LRMDA: variants seen among roughly 807,000 people sequenced by gnomAD.
LRMDA encodes leucine rich melanocyte differentiation associated, also known as leucine-rich melanocyte differentiation-associated protein.
LRMDA carries 18 observed loss-of-function variants against 29.8 expected under a neutral mutation model. That is an observed-to-expected ratio of 0.60 (90% CI 0.42 to 0.90). LRMDA has a LOEUF of 0.90. Ranked by LOEUF, LRMDA falls within the 40% of genes least tolerant of loss-of-function variation. LRMDA has a pLI of 0.00. For synonymous variants in LRMDA, 125 were observed against 109.4 expected (o/e 1.14, Z -0.89); for missense variants, 273 against 273.9 (o/e 1.00, Z 0.02).
chr10:75,778,003 A>G (rs1843334884), intron 2 of LRMDA, among the ~76,000 whole-genome samples: 1 of 152,154 alleles, frequency 6.6e-6, no homozygotes, highest in African/African-American at 2.4e-5. Flanking sequence ...TAAACACACT[A>G]TAATCTGATT....
chr10:75,843,692 G>C (rs1363445847), intron 2 of LRMDA, among the ~76,000 whole-genome samples: 2 of 152,212 alleles, frequency 1.3e-5, no homozygotes, highest in East Asian at 3.8e-4. Context: ...GACCCTTTCT[G>C]TGGGCAAGAC....
rs944217629 is a variant in LRMDA, at chr10:76,462,623, C to T, written c.602-94586C>T. Among the ~76,000 whole-genome samples the T allele has an allele frequency of 3.3e-5, 5 of 152,144 alleles. No individual in the cohort carries two copies. In the South Asian group the frequency reaches 8.3e-4, roughly 25 times the overall value. On this transcript the variant is annotated intron_variant, in intron 6 of 6. Coordinates refer to ENST00000611255, the MANE Select transcript of LRMDA (RefSeq NM_001305581.2). Reference sequence around the variant, plus strand: ...TAGGTACACAGTTCTTCTGGCATCCCGCACCATCTTTGCCTGTGCTGAGTG... The same window carrying T: ...TAGGTACACAGTTCTTCTGGCATCCTGCACCATCTTTGCCTGTGCTGAGTG...
intron 2 of LRMDA, among the ~76,000 whole-genome samples, chr10:75,442,697 C>T (rs1844343101): frequency 1.3e-5 from 2 of 152,046 alleles, no homozygotes; most frequent in South Asian, 4.1e-4. Flanking sequence ...ATGCCTCTAG[C>T]TTTGTTCTTT....
chr10:75,987,241 TG>T lies in LRMDA; in HGVS notation c.132-48766del, dbSNP rs1261158415. ...AGATGATCCTGGTCTTTATGATAGTTGTATAAAATTCCCTTTAAAAATAAAT... is the reference window on the plus strand; with the variant it reads ...AGATGATCCTGGTCTTTATGATAGTTTATAAAATTCCCTTTAAAAATAAAT... On this transcript the variant is annotated intron_variant, in intron 2 of 6. Coordinates refer to ENST00000611255, the MANE Select transcript of LRMDA (RefSeq NM_001305581.2). Among the ~76,000 whole-genome samples the T allele has an allele frequency of 7.2e-5, 11 of 152,336 alleles. No individual in the cohort carries two copies. The East Asian group carries it at 2.1e-3, about 29-fold the overall frequency.
At chr10:75,856,304 G>C (rs1463386766) in intron 2 of LRMDA, among the ~76,000 whole-genome samples, 1 of 152,022 alleles carries the variant, frequency 6.6e-6, no homozygotes, top group Non-Finnish European at 1.5e-5. Context: ...TGGATTCCTA[G>C]GTATTTTATT....
At chr10:75,807,994 C>G (rs1429259290) in intron 2 of LRMDA, among the ~76,000 whole-genome samples, 1 of 152,166 alleles carries the variant, frequency 6.6e-6, no homozygotes, top group Admixed American at 6.5e-5. Context: ...CAGAGGCACA[C>G]AGTATGTGGG....
intron 6 of LRMDA, among the ~76,000 whole-genome samples, chr10:76,439,918 A>G (rs1352753095): frequency 2.6e-5 from 4 of 152,202 alleles, no homozygotes. Context: ...GAGTTTTCGA[A>G]CTGTAGGGTA....
At chr10:76,065,474 A>G (rs1166896270) in intron 5 of LRMDA, among the ~76,000 whole-genome samples, 1 of 152,178 alleles carries the variant, frequency 6.6e-6, no homozygotes, top group Non-Finnish European at 1.5e-5. Context: ...GGGGGATGTT[A>G]CTGTTTCCCT....
intron 2 of LRMDA, among the ~76,000 whole-genome samples, chr10:76,026,055 G>A (rs1848057525): frequency 1.3e-5 from 2 of 152,138 alleles, no homozygotes; most frequent in Admixed American, 6.5e-5. Flanking sequence ...CCCACCTAAT[G>A]CATACTTAAC....
intron 6 of LRMDA, among the ~76,000 whole-genome samples, chr10:76,362,170 C>G (rs1841320702): frequency 1.3e-5 from 2 of 152,138 alleles, no homozygotes; most frequent in African/African-American, 4.8e-5. Flanking sequence ...TTCTTCCTTT[C>G]AAAAACTGAC....
chr10:76,518,319 C>CTATT lies in LRMDA; in HGVS notation c.602-38887_602-38886insTTAT, dbSNP rs1554825385. ...TCTATCTATCTATCTATCTATCTATCTATCTATCATCTCTATCTGTATCTC... is the reference window on the plus strand; with the variant it reads ...TCTATCTATCTATCTATCTATCTATCTATTTATCTATCATCTCTATCTGTATCTC... On this transcript the variant is annotated intron_variant, in intron 6 of 6. Transcript: ENST00000611255. Among the ~76,000 whole-genome samples the CTATT allele has an allele frequency of 4.5e-3, 681 of 150,980 alleles. 5 individuals are homozygous for CTATT. Among genetic ancestry groups the CTATT allele is most frequent in the Non-Finnish European group, 7.7e-3 (521 of 67,698 alleles).
chr10:76,265,585 C>T (rs549434498), intron 5 of LRMDA, among the ~76,000 whole-genome samples: 4 of 152,192 alleles, frequency 2.6e-5, no homozygotes, highest in African/African-American at 7.2e-5. Context: ...CAAGCACAGG[C>T]GAGGCTTGGT....
chr10:75,597,698 A>T (rs1423262485), intron 2 of LRMDA, among the ~76,000 whole-genome samples: 2 of 152,110 alleles, frequency 1.3e-5, no homozygotes, highest in East Asian at 3.9e-4. Flanking sequence ...TTGGCAAGAA[A>T]ATGGGCCCTG....
At chr10:75,450,471 G>GA (rs11439345) in intron 2 of LRMDA, 34,841 of 149,572 alleles carry the variant, frequency 0.23, 4,356 homozygotes, top group Non-Finnish European at 0.28. Context: ...AGGTTTAAAA[G>GA]AAAAAAAAAA....
At chr10:76,017,969 T>G (rs538841084) in intron 2 of LRMDA, among the ~76,000 whole-genome samples, 1 of 152,210 alleles carries the variant, frequency 6.6e-6, no homozygotes, top group Non-Finnish European at 1.5e-5. Context: ...CCCATGAAAT[T>G]GAGAAAGTTC....
intron 6 of LRMDA, among the ~76,000 whole-genome samples, chr10:76,544,195 C>T (rs567460790): frequency 5.3e-5 from 8 of 152,062 alleles, no homozygotes; most frequent in East Asian, 3.8e-4. Context: ...TTTGTGTTGC[C>T]GAATGTGGCT....
At chr10:75,654,027 AC>A (rs1439745697) in intron 2 of LRMDA, among the ~76,000 whole-genome samples, 1 of 152,160 alleles carries the variant, frequency 6.6e-6, no homozygotes, top group Non-Finnish European at 1.5e-5. Flanking sequence ...CGGAAGTCAC[AC>A]CCATAGTCAG....
intron 2 of LRMDA, among the ~76,000 whole-genome samples, chr10:75,685,768 A>T (rs998939010): frequency 1.3e-5 from 2 of 152,242 alleles, no homozygotes; most frequent in African/African-American, 4.8e-5. Context: ...TTGTTAGATA[A>T]GGAGTTTGAG....
intron 5 of LRMDA, among the ~76,000 whole-genome samples, chr10:76,101,887 A>G (rs1179905210): frequency 6.6e-6 from 1 of 152,190 alleles, no homozygotes; most frequent in Non-Finnish European, 1.5e-5. Context: ...GTAACCCACA[A>G]AGCAGTTTCT....
Sources: gnomAD v4.1 joint callset for allele counts (sites outside exome capture counted in the v4.1 genomes callset) on GRCh38, gnomAD v4.1.1 for gene constraint, MANE v1.5 for transcripts, NCBI Gene and HGNC (gene_info 2026-07-23, HGNC 2026-07-21) for gene names.